PRKG1: variants seen among roughly 807,000 people sequenced by gnomAD.
PRKG1 encodes the protein protein kinase cGMP-dependent 1.
In PRKG1, 35 loss-of-function variants were observed where a neutral mutation model predicts 88.1. The observed-to-expected ratio is 0.40, with a 90% confidence interval of 0.30 to 0.53. PRKG1 has a LOEUF of 0.53. Among genes scored for constraint, PRKG1 ranks in the 20% least tolerant of loss-of-function variants. The pLI, the probability that PRKG1 is intolerant of heterozygous loss-of-function variation, is 0.59. For missense variants in PRKG1, 540 were observed against 839.8 expected (o/e 0.64, Z 4.41); for synonymous variants, 303 against 292.5 (o/e 1.04, Z -0.37).
chr10:52,113,009 G>A (rs1847600532), intron 7 of PRKG1, among the ~76,000 whole-genome samples: 1 of 152,096 alleles, frequency 6.6e-6, no homozygotes, highest in African/African-American at 2.4e-5. Flanking sequence ...TCAGCTTTAT[G>A]GCCTTGGGGA....
intron 4 of PRKG1, among the ~76,000 whole-genome samples, chr10:51,866,460 G>T (rs1841017003): frequency 1.3e-5 from 2 of 151,918 alleles, no homozygotes; most frequent in African/African-American, 4.8e-5. Context: ...CATCAGATAG[G>T]AATGATGAAT....
chr10:52,015,917 C>A (rs202197003), intron 5 of PRKG1, among the ~76,000 whole-genome samples: 1 of 152,208 alleles, frequency 6.6e-6, no homozygotes, highest in Admixed American at 6.5e-5. Flanking sequence ...CAATAAGTTT[C>A]TCATCTCCAT....
intron 3 of PRKG1, among the ~76,000 whole-genome samples, chr10:51,469,658 A>T (rs911881911): frequency 6.6e-6 from 1 of 151,908 alleles, no homozygotes; most frequent in African/African-American, 2.4e-5. Flanking sequence ...AATGCAAATT[A>T]TAAGCCTAAC....
intron 3 of PRKG1, among the ~76,000 whole-genome samples, chr10:51,666,825 C>G (rs1374196185): frequency 6.6e-6 from 1 of 151,872 alleles, no homozygotes; most frequent in African/African-American, 2.4e-5. Context: ...GATGGAGTCT[C>G]TCTTTGTCAC....
intron 5 of PRKG1, among the ~76,000 whole-genome samples, chr10:51,915,545 GTA>G (rs200630805): frequency 0.02 from 3,072 of 150,870 alleles, 108 homozygotes; most frequent in African/African-American, 0.073. Flanking sequence ...ATGTGTGTGT[GTA>G]TGTGTGTGTG....
intron 7 of PRKG1, among the ~76,000 whole-genome samples, chr10:52,112,582 C>T (rs541835484): frequency 2.3e-4 from 35 of 152,274 alleles, no homozygotes; most frequent in African/African-American, 8.2e-4. Flanking sequence ...TTTCTGTTAA[C>T]ATCTCTCATT....
At chr10:51,316,023 A>C (rs1259582865) in intron 2 of PRKG1, among the ~76,000 whole-genome samples, 2 of 152,242 alleles carry the variant, frequency 1.3e-5, no homozygotes, top group Non-Finnish European at 2.9e-5. Flanking sequence ...CAACAGGATC[A>C]ATGAAAATAC....
chr10:52,150,183 A>AATTATTATT lies in PRKG1; in HGVS notation c.1002-11703_1002-11702insATTATTATT, dbSNP rs60620444. ...TAATAATAATAATAATAATAATAAT[A>AATTATTATT]ATTTGATTGGCCATAAGGGCAGGAT... On this transcript the variant is annotated intron_variant, in intron 8 of 17. Transcript: ENST00000373980. Among the ~76,000 whole-genome samples, 228 of 147,994 alleles carry AATTATTATT rather than the reference A, an allele frequency of 1.5e-3. 1 individual carries two copies. The highest frequency in any genetic ancestry group is 5.4e-3 in the African/African-American group (218 of 40,062).
chr10:52,179,937 T>A (rs909064327), intron 9 of PRKG1, among the ~76,000 whole-genome samples: 1 of 152,200 alleles, frequency 6.6e-6, no homozygotes, highest in South Asian at 2.1e-4. Flanking sequence ...TCTGCCCGCT[T>A]TGGCATCCCA....
intron 8 of PRKG1, among the ~76,000 whole-genome samples, chr10:52,139,899 A>G (rs1411100502): frequency 1.3e-5 from 2 of 152,194 alleles, no homozygotes. Context: ...TAAATATTTT[A>G]GGCTCATGGG....
Position 52,103,481 on chromosome 10 carries a change from A to T in PRKG1, c.936-30359A>T, listed in dbSNP as rs946273108. Among the ~76,000 whole-genome samples the T allele has an allele frequency of 2.6e-5, 4 of 152,094 alleles. No homozygotes were observed. In the East Asian group the frequency reaches 7.7e-4, roughly 29 times the overall value. ...TATAATGATCCACTTTCACTTAAGG[A>T]ATTAGTAACTATATTTTCTTTTCTT... On this transcript the variant is annotated intron_variant, in intron 7 of 17. Coordinates refer to ENST00000373980, the MANE Select transcript of PRKG1 (RefSeq NM_006258.4).
In PRKG1 at chr10:51,943,112, A is replaced by T. The variant is rs941639221; in HGVS notation, c.762+35542A>T. ...ATGGAATGTTCTTCCATTTGTTTGT[A>T]TCCTCTTTTATTTCATTGAGCAGTG... On this transcript the variant is annotated intron_variant, in intron 5 of 17. Coordinates refer to ENST00000373980, the MANE Select transcript of PRKG1 (RefSeq NM_006258.4). 3.1e-3 allele frequency among the ~76,000 whole-genome samples: 468 copies of T among 151,960 alleles called. 12 individuals are homozygous for T. Among genetic ancestry groups the T allele is most frequent in the African/African-American group, 0.011 (441 of 41,334 alleles).
At chr10:51,496,523 C>T (rs1840860507) in intron 3 of PRKG1, among the ~76,000 whole-genome samples, 2 of 152,110 alleles carry the variant, frequency 1.3e-5, no homozygotes, top group African/African-American at 2.4e-5. Flanking sequence ...TGGAAATGTT[C>T]ACAGATCCAG....
At chr10:52,279,372 G>C (rs1198837001) in intron 12 of PRKG1, among the ~76,000 whole-genome samples, 1 of 152,008 alleles carries the variant, frequency 6.6e-6, no homozygotes, top group Admixed American at 6.6e-5. Flanking sequence ...CAGGAGTCAT[G>C]GTAATTATAG....
chr10:52,171,786 A>ATTTTTTT lies in PRKG1; in HGVS notation c.1076+9844_1076+9850dup, dbSNP rs545195374. On this transcript the variant is annotated intron_variant, in intron 9 of 17. Transcript: ENST00000373980. ...ATAGAAGTATTTTTCTTTTATCAAA[A>ATTTTTTT]TTTTTTTTTTTTTTTTTTTTTTTTT... is the stretch of plus-strand genomic sequence containing the variant. Among the ~76,000 whole-genome samples, 43 of 93,816 alleles carry ATTTTTTT rather than the reference A, an allele frequency of 4.6e-4. 1 individual carries two copies. Among genetic ancestry groups the ATTTTTTT allele is most frequent in the African/African-American group, 1.8e-3 (41 of 23,406 alleles). 61.5% of individuals were successfully genotyped at this position (93,816 alleles called of 152,430 possible).
chr10:51,876,403 A>T (rs976418906), intron 4 of PRKG1, among the ~76,000 whole-genome samples: 2 of 152,182 alleles, frequency 1.3e-5, no homozygotes, highest in African/African-American at 4.8e-5. Flanking sequence ...ATAAAAGAAA[A>T]ACCCTTGCTG....
intron 3 of PRKG1, among the ~76,000 whole-genome samples, chr10:51,790,228 T>C (rs1838835469): frequency 6.6e-6 from 1 of 152,198 alleles, no homozygotes; most frequent in Admixed American, 6.5e-5. Context: ...GCCAGTTGCA[T>C]GACTACTCTA....
chr10:52,292,704 T>G (rs745765187), intron 17 of PRKG1, among the ~76,000 whole-genome samples: 135 of 152,204 alleles, frequency 8.9e-4, no homozygotes, highest in Middle Eastern at 3.4e-3. Context: ...CTGACAAAAT[T>G]TAACAACCCT....
At chr10:52,234,161 T>C (rs564219347) in intron 9 of PRKG1, among the ~76,000 whole-genome samples, 1 of 152,266 alleles carries the variant, frequency 6.6e-6, no homozygotes, top group South Asian at 2.1e-4. Flanking sequence ...AAAACCCATC[T>C]GTACATCACC....
Sources: allele counts gnomAD v4.1 joint callset (sites outside exome capture counted in the v4.1 genomes callset), GRCh38; gene constraint gnomAD v4.1.1; transcripts MANE v1.5; gene names NCBI Gene and HGNC (gene_info 2026-07-23, HGNC 2026-07-21).